Variants in EGFR observed in about 807,000 individuals in gnomAD.
The protein encoded by EGFR is avian erythroblastic leukemia viral (v-erb-b) oncogene homolog.
EGFR carries 58 observed loss-of-function variants against 143.0 expected under a neutral mutation model. The ratio of observed to expected loss-of-function variants is 0.41; its 90% CI spans 0.33 to 0.50. The LOEUF is 0.50. EGFR is among the 20% of genes least tolerant of loss of function. The probability of loss-of-function intolerance (pLI) is 0.39; values close to 1 mark genes in which losing one functional copy is unlikely to be tolerated. For missense variants in EGFR, 1,307 were observed against 1,579.0 expected, an observed-to-expected ratio of 0.83 and a Z score of 2.92; for synonymous variants, 613 against 594.4, an observed-to-expected ratio of 1.03 and a Z score of -0.45.
At chr7:55,088,487 C>A (rs1790899789) in intron 1 of EGFR, among the ~76,000 whole-genome samples, 1 of 152,200 alleles carries the variant, frequency 6.6e-6, no homozygotes, top group Non-Finnish European at 1.5e-5. Context: ...TCAGATTATA[C>A]AGGGATAATT....
chr7:55,068,791 A>G (rs35951148), intron 1 of EGFR, among the ~76,000 whole-genome samples: 1 of 152,204 alleles, frequency 6.6e-6, no homozygotes, highest in South Asian at 2.1e-4. Context: ...GAGAGAATGC[A>G]TGGTTAGTAG....
At position 55,191,705 on chromosome 7, in the gene EGFR, C is replaced by CT; in HGVS notation, c.2470-12dup. 6.2e-7 allele frequency: 1 copy of CT among 1,613,574 alleles called. No homozygotes were observed. The highest frequency in any genetic ancestry group is 8.5e-7 in the Non-Finnish European group (1 of 1,179,954). On this transcript the variant is annotated splice_polypyrimidine_tract_variant and intron_variant, in intron 20 of 27. Transcript: ENST00000275493. ...GATGATCTGTCCCTCACAGCAGGGT[C>CT]TTCTCTGTTTCAGGGCATGAACTAC... is the stretch of plus-strand genomic sequence containing the variant.
In EGFR at chr7:55,193,166, A is replaced by T. The variant is rs562488471; in HGVS notation, c.2701+325A>T. ...TAACCAAACCATTAATGTTGCCATG[A>T]ATTTGAAGTGAACCAGAGGGAGGTG... On this transcript the variant is annotated intron_variant, in intron 22 of 27. Coordinates refer to ENST00000275493, the MANE Select transcript of EGFR (RefSeq NM_005228.5). Among the ~76,000 whole-genome samples the T allele has an allele frequency of 2.6e-5, 4 of 152,250 alleles. No individual in the cohort carries two copies. In the South Asian group the frequency reaches 8.3e-4, roughly 32 times the overall value.
chr7:55,063,565 A>G (rs1789322117), intron 1 of EGFR, among the ~76,000 whole-genome samples: 1 of 152,246 alleles, frequency 6.6e-6, no homozygotes, highest in African/African-American at 2.4e-5. Context: ...GTTCTCGCAA[A>G]GCATTTTACC....
rs1027370221 is a variant in EGFR, at chr7:55,146,531, G to A, written c.425-75G>A. The A allele has an allele frequency of 1.1e-4, 182 of 1,604,386 alleles. 1 individual carries two copies. In the East Asian group the frequency reaches 1.4e-3, roughly 13 times the overall value. On this transcript the variant is annotated intron_variant, in intron 3 of 27. Coordinates refer to ENST00000275493, the MANE Select transcript of EGFR (RefSeq NM_005228.5). ...CATCTCTTTAGCAGAACATAAATGCGAAGAGCACATGCATCCTTCATGGGA... is the reference window on the plus strand; with the variant it reads ...CATCTCTTTAGCAGAACATAAATGCAAAGAGCACATGCATCCTTCATGGGA...
intron 1 of EGFR, among the ~76,000 whole-genome samples, chr7:55,029,639 A>G (rs897424037): frequency 2.6e-5 from 4 of 152,234 alleles, no homozygotes; most frequent in Non-Finnish European, 5.9e-5. Context: ...TGGTTATACA[A>G]GTATGCATAC....
chr7:55,083,767 T>G (rs1448677045), intron 1 of EGFR, among the ~76,000 whole-genome samples: 1 of 152,242 alleles, frequency 6.6e-6, no homozygotes, highest in Non-Finnish European at 1.5e-5. Context: ...TGCATTAATG[T>G]TTAAATATAC....
At position 55,098,882 on chromosome 7, in the gene EGFR, G is replaced by A. The variant is rs565795009; in HGVS notation, c.89-43404G>A. 4.0e-4 allele frequency among the ~76,000 whole-genome samples: 61 copies of A among 152,274 alleles called. 1 individual carries two copies. Among genetic ancestry groups the A allele is most frequent in the Middle Eastern group, 3.4e-3 (1 of 294 alleles). On this transcript the variant is annotated intron_variant, in intron 1 of 27. Transcript: ENST00000275493. ...AAAAGGTGTCCAGTGTTGTCTGTGAGCTAATTAAGTGATTTGATTCTGACT... is the reference window on the plus strand; with the variant it reads ...AAAAGGTGTCCAGTGTTGTCTGTGAACTAATTAAGTGATTTGATTCTGACT...
intron 1 of EGFR, among the ~76,000 whole-genome samples, chr7:55,101,071 C>G (rs1276600347): frequency 6.6e-6 from 1 of 152,246 alleles, no homozygotes; most frequent in Non-Finnish European, 1.5e-5. Flanking sequence ...GAGCAGCCTC[C>G]TCCGAGCAAC....
At chr7:55,021,501 C>T (rs1388373084) in intron 1 of EGFR, among the ~76,000 whole-genome samples, 1 of 152,122 alleles carries the variant, frequency 6.6e-6, no homozygotes, top group African/African-American at 2.4e-5. Context: ...CTGTTTGTCC[C>T]GCATTCACTC....
intron 15 of EGFR, chr7:55,170,480 G>T (rs2128950765): frequency 6.2e-7 from 1 of 1,614,066 alleles, no homozygotes; most frequent in African/African-American, 1.3e-5. Flanking sequence ...GGTTGGGGTG[G>T]ATGCAGCCAC....
intron 1 of EGFR, among the ~76,000 whole-genome samples, chr7:55,045,359 T>C (rs1788128598): frequency 6.6e-6 from 1 of 152,268 alleles, no homozygotes; most frequent in Admixed American, 6.5e-5. Context: ...TATATTTTAA[T>C]CAAGTTTAAT....
At chr7:55,029,426 C>T (rs1787126200) in intron 1 of EGFR, among the ~76,000 whole-genome samples, 1 of 152,052 alleles carries the variant, frequency 6.6e-6, no homozygotes, top group African/African-American at 2.4e-5. Flanking sequence ...TTTCTTTCTT[C>T]TTCCCTTCCT....
chr7:55,205,984 G>C lies in EGFR; in HGVS notation c.*367G>C. The C allele has an allele frequency of 2.5e-6, 1 of 397,134 alleles. No homozygotes were observed. The allele number at this position is 397,134 out of a possible 1,614,324, so 24.6% of individuals were successfully genotyped here. On this transcript the variant is annotated 3_prime_UTR_variant, in exon 28 of 28. Transcript: ENST00000275493. ...GTCGCTATTGATTTTTACTTCAATG[G>C]GCTCTTCCAACAAGGAAGAAGCTTG...
chr7:55,155,303 G>A (rs1785357835), intron 7 of EGFR, among the ~76,000 whole-genome samples: 1 of 152,186 alleles, frequency 6.6e-6, no homozygotes, highest in Non-Finnish European at 1.5e-5. Flanking sequence ...TTAGCCGGGC[G>A]TGGTGGCGCA....
In EGFR at chr7:55,206,130, C is replaced by T. The variant is rs1469416152; in HGVS notation, c.*513C>T. On this transcript the variant is annotated 3_prime_UTR_variant, in exon 28 of 28. Coordinates refer to ENST00000275493, the MANE Select transcript of EGFR (RefSeq NM_005228.5). Reference sequence around the variant, plus strand: ...CTGCTTCAAGGCTTCCACTGCAAAACACTAAAGATCCAAGAAGGCCTTCAT... The same window carrying T: ...CTGCTTCAAGGCTTCCACTGCAAAATACTAAAGATCCAAGAAGGCCTTCAT... The T allele has an allele frequency of 6.6e-6, 2 of 301,654 alleles. No homozygotes were observed. The highest frequency in any genetic ancestry group is 4.3e-5 in the African/African-American group (2 of 46,106). 18.7% of individuals were successfully genotyped at this position (301,654 alleles called of 1,614,324 possible). A position where few individuals can be genotyped will look rare whatever the true frequency, so the allele number is the denominator to read the frequency against.
chr7:55,040,192 G>A lies in EGFR; in HGVS notation c.88+20827G>A, dbSNP rs117063757. 5.2e-3 allele frequency among the ~76,000 whole-genome samples: 786 copies of A among 152,258 alleles called. 4 individuals are homozygous for A. Among genetic ancestry groups the A allele is most frequent in the South Asian group, 0.032 (153 of 4,822 alleles). On this transcript the variant is annotated intron_variant, in intron 1 of 27. Coordinates refer to ENST00000275493, the MANE Select transcript of EGFR (RefSeq NM_005228.5). ...CAGGCTTGGAAGTGGGCTCTGTGGA[G>A]GTCAGAAGGAGGATCCCCCACCCGC...
intron 1 of EGFR, among the ~76,000 whole-genome samples, chr7:55,034,974 T>C (rs1005327600): frequency 6.6e-6 from 1 of 152,204 alleles, no homozygotes; most frequent in Admixed American, 6.5e-5. Flanking sequence ...GTCCTGTGTT[T>C]ACCTTCCATG....
intron 22 of EGFR, among the ~76,000 whole-genome samples, chr7:55,193,785 T>C (rs564674026): frequency 6.6e-6 from 1 of 152,334 alleles, no homozygotes; most frequent in Admixed American, 6.5e-5. Context: ...GCAAAATTAT[T>C]TGGGATATCG....
Sources: allele counts gnomAD v4.1 joint callset (sites outside exome capture counted in the v4.1 genomes callset), GRCh38; gene constraint gnomAD v4.1.1; transcripts MANE v1.5; gene names NCBI Gene and HGNC (gene_info 2026-07-23, HGNC 2026-07-21).